VPS35L: variants seen among roughly 807,000 people sequenced by gnomAD.
VPS35L encodes VPS35 endosomal protein sorting factor like.
In VPS35L, 83 loss-of-function variants were observed where a neutral mutation model predicts 133.0. The ratio of observed to expected loss-of-function variants is 0.62; its 90% CI spans 0.52 to 0.75. VPS35L has a LOEUF of 0.75. Ranked by LOEUF, VPS35L falls within the 30% of genes least tolerant of loss-of-function variation. The pLI is 0.00. For synonymous variants in VPS35L, 423 were observed against 449.9 expected (o/e 0.94, Z 0.76); for missense variants, 1,083 against 1,206.8 (o/e 0.90, Z 1.52).
At chr16:19,570,657 T>A (rs1971332049) in intron 3 of VPS35L, among the ~76,000 whole-genome samples, 1 of 151,508 alleles carries the variant, frequency 6.6e-6, no homozygotes, top group Admixed American at 6.6e-5. Context: ...GGCAGGCATT[T>A]TTCCGGAGTG....
intron 17 of VPS35L, 66 bp downstream of exon 17, chr16:19,628,819 T>A: frequency 9.5e-5 from 64 of 677,004 alleles, no homozygotes; most frequent in Non-Finnish European, 1.2e-4. Flanking sequence ...TGAGATGAAG[T>A]CTTGCTCTGT....
At position 19,649,034 on chromosome 16, in the gene VPS35L, G is replaced by T. The variant is rs114376519; in HGVS notation, c.2028+1152G>T. On this transcript the variant is annotated intron_variant, in intron 24 of 30. Coordinates refer to ENST00000417362, the MANE Select transcript of VPS35L (RefSeq NM_020314.7). Reference sequence around the variant, plus strand: ...CTGGAGTTCTTGCTTTGTTGCCCAGGCTAGAGTGCAATGGTGCGATTTTGG... The same window carrying T: ...CTGGAGTTCTTGCTTTGTTGCCCAGTCTAGAGTGCAATGGTGCGATTTTGG... 3.2e-3 allele frequency among the ~76,000 whole-genome samples: 479 copies of T among 151,934 alleles called. 5 individuals are homozygous for T. The highest frequency in any genetic ancestry group is 0.024 in the Middle Eastern group (7 of 294).
intron 14 of VPS35L, among the ~76,000 whole-genome samples, chr16:19,623,610 C>T (rs35486742): frequency 0.093 from 14,200 of 151,914 alleles, 1,144 homozygotes; most frequent in African/African-American, 0.21. Flanking sequence ...GTATCTCCAA[C>T]GTCAGCTCTC....
chr16:19,653,708 C>T (rs1199145488), intron 26 of VPS35L, among the ~76,000 whole-genome samples: 1 of 152,244 alleles, frequency 6.6e-6, no homozygotes, highest in Non-Finnish European at 1.5e-5. Flanking sequence ...GGCGCCTCAC[C>T]ACTTGTTGCC....
In VPS35L at chr16:19,644,301, G is replaced by C. The variant is rs1012154767; in HGVS notation, c.1866-585G>C. 2.6e-5 allele frequency among the ~76,000 whole-genome samples: 4 copies of C among 152,218 alleles called. No individual in the cohort carries two copies. In the East Asian group the frequency reaches 7.7e-4, roughly 29 times the overall value. Reference sequence around the variant, plus strand: ...GGATTGATGGATGGAGAGGGGAATGGATAATTATGTGTAAAACAAGTAAAA... The same window carrying C: ...GGATTGATGGATGGAGAGGGGAATGCATAATTATGTGTAAAACAAGTAAAA... On this transcript the variant is annotated intron_variant, in intron 22 of 30. Coordinates refer to ENST00000417362, the MANE Select transcript of VPS35L (RefSeq NM_020314.7).
At chr16:19,691,502 C>T (rs1975685461) in intron 29 of VPS35L, 31 bp downstream of exon 29, 1 of 1,552,758 alleles carries the variant, frequency 6.4e-7, no homozygotes, top group Non-Finnish European at 8.9e-7. Flanking sequence ...TCCACCCGCC[C>T]CTTGCTCTGA....
chr16:19,611,454 A>T (rs1362194559), intron 12 of VPS35L, among the ~76,000 whole-genome samples: 2 of 152,178 alleles, frequency 1.3e-5, no homozygotes, highest in African/African-American at 4.8e-5. Context: ...GACTTCCTTG[A>T]GGACAAAGCT....
At chr16:19,599,587 A>G (rs927382278) in intron 8 of VPS35L, among the ~76,000 whole-genome samples, 1 of 150,798 alleles carries the variant, frequency 6.6e-6, no homozygotes, top group Admixed American at 6.6e-5. Context: ...CCCAGGCTGG[A>G]GTGCAGCGGC....
intron 6 of VPS35L, among the ~76,000 whole-genome samples, chr16:19,580,273 C>A (rs1183392246): frequency 6.7e-6 from 1 of 150,338 alleles, no homozygotes; most frequent in Non-Finnish European, 1.5e-5. Context: ...GCCACCGTGC[C>A]CAGCTAATTT....
In VPS35L at chr16:19,699,737, GACA is replaced by G. The variant is rs1341000014; in HGVS notation, c.2793+92_2793+94del. 1 of 1,531,656 alleles carries G rather than the reference GACA, an allele frequency of 6.5e-7. No homozygotes were observed. Among genetic ancestry groups the G allele is most frequent in the Non-Finnish European group, 8.9e-7 (1 of 1,122,490 alleles). The allele number at this position is 1,531,656 out of a possible 1,614,324, so 94.9% of individuals were successfully genotyped here. A position where few individuals can be genotyped will look rare whatever the true frequency, so the allele number is the denominator to read the frequency against. On this transcript the variant is annotated intron_variant, in intron 30 of 30. Transcript: ENST00000417362. The surrounding 1 kb of genome is among the most constrained non-coding windows in gnomAD (Gnocchi z 4.2). ...AGCATTGTGGCCTGGACATCAGACA[GACA>G]ACCCCATACTCCCCTTTTAGAAAAG...
intron 13 of VPS35L, 151 bp downstream of exon 13, chr16:19,616,342 T>G (rs1972892585): frequency 1.4e-6 from 1 of 692,448 alleles, no homozygotes; most frequent in East Asian, 2.6e-5. Flanking sequence ...TTGTAGACAA[T>G]TAAAATGTGT....
chr16:19,644,888 C>A lies in VPS35L; in HGVS notation c.1868C>A (p.Ala623Glu). The change falls in exon 23 of 31, where the codon GCA becomes GAA. Residue 623 changes from alanine to glutamate, a missense_variant and splice_region_variant. Ala to Glu is a moderately radical substitution (Grantham distance 107). Transcript: ENST00000417362. ...VCKTMHDSVN[A>E]LTLEDEKRML... is the part of the protein sequence containing the mutation. ...TTATGTACAATTATTGATTTTAGTGCACTCACTCTTGAGGATGAGAAAAGA... is the reference window on the plus strand; with the variant it reads ...TTATGTACAATTATTGATTTTAGTGAACTCACTCTTGAGGATGAGAAAAGA... The A allele has an allele frequency of 6.3e-7, 1 of 1,592,438 alleles. No homozygotes were observed. Among genetic ancestry groups the A allele is most frequent in the South Asian group, 1.1e-5 (1 of 89,142 alleles).
At chr16:19,571,854 T>TC (rs1472914395) in intron 3 of VPS35L, among the ~76,000 whole-genome samples, 1 of 151,992 alleles carries the variant, frequency 6.6e-6, no homozygotes, top group African/African-American at 2.4e-5. Context: ...CAACTTTTTT[T>TC]TTTTTTTTAA....
intron 1 of VPS35L, among the ~76,000 whole-genome samples, chr16:19,560,440 A>G (rs921521269): frequency 1.3e-5 from 2 of 152,178 alleles, no homozygotes; most frequent in East Asian, 1.9e-4. Context: ...GTCACATTCA[A>G]TTTTCTATTT....
chr16:19,593,844 G>A (rs1333945834), intron 8 of VPS35L, among the ~76,000 whole-genome samples: 2 of 151,766 alleles, frequency 1.3e-5, no homozygotes, highest in African/African-American at 4.8e-5. Flanking sequence ...TTGAACCCAG[G>A]AGGTGGAGAT....
intron 29 of VPS35L, among the ~76,000 whole-genome samples, chr16:19,693,316 G>T (rs1380767714): frequency 6.6e-6 from 1 of 152,056 alleles, no homozygotes; most frequent in Non-Finnish European, 1.5e-5. Flanking sequence ...AATGAAGAGA[G>T]GTTGGTTAAT....
At chr16:19,579,687 C>G (rs2151516170) in intron 6 of VPS35L, 1 of 152,178 alleles carries the variant, frequency 6.6e-6, no homozygotes, top group Middle Eastern at 3.4e-3. Flanking sequence ...AAGAGCAAGA[C>G]TTTGTCTAAA....
At chr16:19,669,045 G>A (rs901526068) in intron 26 of VPS35L, 115 bp from the exon 27 acceptor site, 3 of 1,088,568 alleles carry the variant, frequency 2.8e-6, no homozygotes, top group Admixed American at 2.5e-5. Context: ...ACCTGCCCTC[G>A]GCATGGCCTG....
intron 26 of VPS35L, among the ~76,000 whole-genome samples, chr16:19,657,686 A>G (rs1974350736): frequency 6.6e-6 from 1 of 152,196 alleles, no homozygotes; most frequent in Non-Finnish European, 1.5e-5. Flanking sequence ...GGCTACCACA[A>G]ACTGTAATGG....
Sources: gnomAD v4.1 joint callset for allele counts (sites outside exome capture counted in the v4.1 genomes callset) on GRCh38, gnomAD v4.1.1 for gene constraint, Gnocchi (gnomAD v3.1) non-coding constraint, MANE v1.5 for transcripts, NCBI Gene and HGNC (gene_info 2026-07-23, HGNC 2026-07-21) for gene names.